Variants in KIZ observed in about 807,000 individuals in gnomAD.
KIZ encodes the protein kizuna centrosomal protein.
In KIZ, 68 loss-of-function variants were observed where a neutral mutation model predicts 79.6. The ratio of observed to expected loss-of-function variants is 0.85; its 90% CI spans 0.70 to 1.05. The LOEUF is 1.05. Ranked by LOEUF, KIZ falls within the 50% of genes least tolerant of loss-of-function variation. KIZ has a pLI of 0.00. For synonymous variants in KIZ, 280 were observed against 281.8 expected, an observed-to-expected ratio of 0.99 and a Z score of 0.06; for missense variants, 797 against 800.4, an observed-to-expected ratio of 1.00 and a Z score of 0.05.
At position 21,162,880 on chromosome 20, in the gene KIZ, A is replaced by G; in HGVS notation, c.1073A>G (p.Gln358Arg). The G allele has an allele frequency of 5.6e-6, 9 of 1,613,564 alleles. No homozygotes were observed. The South Asian group carries it at 8.8e-5, about 16-fold the overall frequency. Residue 358 changes from glutamine to arginine, a missense_variant, in exon 6 of 13, where the codon CAA (glutamine) becomes CGA (arginine). By Grantham distance (43) the Gln-to-Arg change is conservative. Transcript: ENST00000619189. The stretch of plus-strand genomic sequence containing the variant: ...CTTGCTCACAGGGAACCAAAGTCAC[A>G]AAAGCCCTTCAGAAAAATGCAGGAA... ...DHLAHREPKS[Q>R]KPFRKMQEEE... is the part of the protein sequence containing the mutation.
At chr20:21,239,370 A>G (rs984494387) in intron 11 of KIZ, among the ~76,000 whole-genome samples, 5 of 152,114 alleles carry the variant, frequency 3.3e-5, no homozygotes, top group Admixed American at 2.6e-4. Flanking sequence ...CAACGTGTAC[A>G]TTTGTAGGAG....
chr20:21,182,677 A>G (rs1000601605), intron 6 of KIZ, among the ~76,000 whole-genome samples: 1 of 151,756 alleles, frequency 6.6e-6, no homozygotes, highest in African/African-American at 2.4e-5. Context: ...TGCATCTGTA[A>G]TCTCAGCTAC....
chr20:21,162,092 A>C lies in KIZ; in HGVS notation c.627A>C (p.Val209=). The change falls in exon 5 of 13, where the codon GTA becomes GTC. Residue 209 remains valine, a synonymous_variant. Transcript: ENST00000619189. ...GTAATGTGACAGACAGCTGTGTAGT[A>C]CAAACTAGTAATGACACACAGTGCT... ...QSSNVTDSCV[V]QTSNDTQCLN... is the part of the protein sequence containing the mutation. The C allele has an allele frequency of 6.2e-7, 1 of 1,613,770 alleles. No homozygotes were observed. The highest frequency in any genetic ancestry group is 1.1e-5 in the South Asian group (1 of 91,062).
At chr20:21,192,026 T>G (rs2035130173) in intron 6 of KIZ, among the ~76,000 whole-genome samples, 1 of 152,038 alleles carries the variant, frequency 6.6e-6, no homozygotes, top group Admixed American at 6.5e-5. Context: ...AGGGGTACAC[T>G]GGGATTGGAA....
chr20:21,191,157 T>G (rs1417468444), intron 6 of KIZ, among the ~76,000 whole-genome samples: 2 of 152,246 alleles, frequency 1.3e-5, no homozygotes, highest in Non-Finnish European at 2.9e-5. Flanking sequence ...ATAAAGCATT[T>G]GTTCATTTAT....
At chr20:21,194,834 A>G (rs2035270206) in intron 6 of KIZ, 1 of 141,926 alleles carries the variant, frequency 7.0e-6, no homozygotes, top group Non-Finnish European at 1.5e-5. Flanking sequence ...ATTTTTATTA[A>G]AAAAAAAAAA....
intron 7 of KIZ, among the ~76,000 whole-genome samples, chr20:21,207,964 A>G (rs938264276): frequency 2.6e-5 from 4 of 151,976 alleles, no homozygotes; most frequent in African/African-American, 9.7e-5. Flanking sequence ...CCGCGCCCCC[A>G]TCAGCCTCCC....
intron 11 of KIZ, among the ~76,000 whole-genome samples, chr20:21,242,266 A>G (rs936882258): frequency 6.6e-5 from 10 of 152,102 alleles, no homozygotes; most frequent in African/African-American, 1.9e-4. Flanking sequence ...ACAGCACGAC[A>G]CTCCTGGGGG....
intron 1 of KIZ, among the ~76,000 whole-genome samples, chr20:21,128,558 AGCT>A (rs1184211394): frequency 2.6e-5 from 4 of 152,196 alleles, no homozygotes; most frequent in Non-Finnish European, 5.9e-5. Context: ...AAGTCATGTT[AGCT>A]GTAGTTACAC....
rs140535577 is a variant in KIZ, at chr20:21,205,975, G to T, written c.1446+391G>T. Among the ~76,000 whole-genome samples the T allele has an allele frequency of 1.6e-3, 247 of 152,008 alleles. 1 individual carries two copies. Among genetic ancestry groups the T allele is most frequent in the African/African-American group, 5.9e-3 (244 of 41,444 alleles). ...AAAAAAAAAAAAAGTCTCAAGATGT[G>T]CAGATTATTCATTTGAGGAAATGTT... On this transcript the variant is annotated intron_variant, in intron 7 of 12. Transcript: ENST00000619189.
At chr20:21,241,027 AT>A (rs1444236311) in intron 11 of KIZ, among the ~76,000 whole-genome samples, 1 of 152,224 alleles carries the variant, frequency 6.6e-6, no homozygotes, top group Non-Finnish European at 1.5e-5. Flanking sequence ...CTCAGCAAAC[AT>A]TACACAGTTA....
intron 6 of KIZ, among the ~76,000 whole-genome samples, chr20:21,168,902 G>C (rs987221354): frequency 5.6e-4 from 86 of 152,224 alleles, no homozygotes; most frequent in African/African-American, 1.5e-3. Context: ...GAAACTGGAT[G>C]CCTTCCTTAC....
At chr20:21,126,383 A>T (rs185567194) in intron 1 of KIZ, among the ~76,000 whole-genome samples, 179 bp downstream of exon 1, 7 of 151,964 alleles carry the variant, frequency 4.6e-5, no homozygotes, top group Non-Finnish European at 8.8e-5. Context: ...CACCCCCTGT[A>T]TTGGGGGTGG....
intron 1 of KIZ, among the ~76,000 whole-genome samples, chr20:21,126,466 C>A (rs1390644046): frequency 6.6e-6 from 1 of 152,244 alleles, no homozygotes; most frequent in African/African-American, 2.4e-5. Flanking sequence ...TTTGAGGATG[C>A]GGCCGCGTCA....
At chr20:21,180,169 T>G (rs2034593856) in intron 6 of KIZ, among the ~76,000 whole-genome samples, 2 of 152,118 alleles carry the variant, frequency 1.3e-5, no homozygotes. Context: ...CCACCAGTAT[T>G]ATATTGCTAT....
intron 11 of KIZ, among the ~76,000 whole-genome samples, chr20:21,240,381 C>T (rs567859019): frequency 1.7e-3 from 255 of 152,336 alleles, no homozygotes; most frequent in Middle Eastern, 3.4e-3. Context: ...GCCTCAGCCT[C>T]CCAAAGTGCT....
At chr20:21,139,720 A>G (rs1237957688) in intron 3 of KIZ, among the ~76,000 whole-genome samples, 2 of 152,178 alleles carry the variant, frequency 1.3e-5, no homozygotes, top group African/African-American at 4.8e-5. Context: ...ATAAAATAGG[A>G]TATGTTATTA....
At chr20:21,193,702 G>A (rs1489257030) in intron 6 of KIZ, among the ~76,000 whole-genome samples, 2 of 151,942 alleles carry the variant, frequency 1.3e-5, no homozygotes, top group African/African-American at 2.4e-5. Flanking sequence ...CATGTCCTTT[G>A]TAGGGACATG....
intron 6 of KIZ, among the ~76,000 whole-genome samples, chr20:21,191,544 C>G (rs966922242): frequency 1.3e-5 from 2 of 152,204 alleles, no homozygotes; most frequent in Non-Finnish European, 2.9e-5. Context: ...GCAACCACAA[C>G]TAAATTATTT....
Sources: allele counts gnomAD v4.1 joint callset (sites outside exome capture counted in the v4.1 genomes callset), GRCh38; gene constraint gnomAD v4.1.1; transcripts MANE v1.5; gene names NCBI Gene and HGNC (gene_info 2026-07-23, HGNC 2026-07-21).